The following TRPM6 variants were observed in gnomAD, a reference collection of about 807,000 sequenced individuals.
TRPM6 encodes the protein transient receptor potential cation channel subfamily M member 6.
TRPM6 carries 111 observed loss-of-function variants against 247.6 expected under a neutral mutation model. The observed-to-expected ratio is 0.45, with a 90% CI of 0.38 to 0.52. The LOEUF is 0.52. Among genes scored for constraint, TRPM6 ranks in the 20% least tolerant of loss-of-function variants. TRPM6 has a pLI of 0.00. For synonymous variants in TRPM6, 892 were observed against 853.8 expected, an observed-to-expected ratio of 1.04 and a Z score of -0.78; for missense variants, 2,126 against 2,421.5, an observed-to-expected ratio of 0.88 and a Z score of 2.56.
chr9:74,879,613 C>A (rs974861154), intron 1 of TRPM6, among the ~76,000 whole-genome samples: 35 of 152,020 alleles, frequency 2.3e-4, no homozygotes, highest in African/African-American at 7.7e-4. Flanking sequence ...CCACCCTATA[C>A]CCTGGGAGAA....
chr9:74,846,931 C>A (rs1435478159), intron 3 of TRPM6, among the ~76,000 whole-genome samples: 1 of 152,140 alleles, frequency 6.6e-6, no homozygotes, highest in Non-Finnish European at 1.5e-5. Flanking sequence ...TTTGTTTACA[C>A]GTTCCAAAAA....
rs368251330 is a variant in TRPM6, at chr9:74,739,351, G to C, written c.5570+16C>G. On this transcript the variant is annotated intron_variant, in intron 35 of 38. Transcript: ENST00000360774. Reference sequence around the variant, plus strand: ...CCTACTTGAAACAAAGGGCCAAGGTGCCAAGATTTTCTTACCTTGGTGTGT... The same window carrying C: ...CCTACTTGAAACAAAGGGCCAAGGTCCCAAGATTTTCTTACCTTGGTGTGT... 3.3e-5 allele frequency: 53 copies of C among 1,610,588 alleles called. No homozygotes were observed. Among genetic ancestry groups the C allele is most frequent in the Non-Finnish European group, 4.5e-5 (53 of 1,176,954 alleles).
intron 6 of TRPM6, among the ~76,000 whole-genome samples, chr9:74,830,489 G>A (rs564664216): frequency 3.6e-4 from 54 of 152,060 alleles, no homozygotes; most frequent in Admixed American, 2.8e-3. Context: ...TCTGCCTCCC[G>A]GGCTCGAGCG....
intron 25 of TRPM6, among the ~76,000 whole-genome samples, chr9:74,768,454 C>G (rs904737786): frequency 1.1e-4 from 17 of 152,200 alleles, no homozygotes; most frequent in African/African-American, 4.1e-4. Context: ...ACATCCAAAG[C>G]CTCCTGAACA....
intron 14 of TRPM6, among the ~76,000 whole-genome samples, chr9:74,805,161 A>C (rs7857689): frequency 2.4e-3 from 369 of 152,280 alleles, no homozygotes; most frequent in African/African-American, 8.6e-3. Flanking sequence ...TAGAGGCAAA[A>C]CCATAAACAG....
intron 3 of TRPM6, among the ~76,000 whole-genome samples, chr9:74,847,515 G>A (rs1399024172): frequency 6.6e-6 from 1 of 152,092 alleles, no homozygotes; most frequent in African/African-American, 2.4e-5. Flanking sequence ...AGGCTGCTCT[G>A]ATGGTAGTAG....
intron 33 of TRPM6, among the ~76,000 whole-genome samples, chr9:74,741,618 G>A (rs1027499943): frequency 2.6e-5 from 4 of 152,020 alleles, no homozygotes; most frequent in Non-Finnish European, 5.9e-5. Flanking sequence ...AAGCCAGGCC[G>A]GTGCGGTGAT....
At chr9:74,820,956 C>T (rs1829112881) in intron 8 of TRPM6, among the ~76,000 whole-genome samples, 1 of 152,046 alleles carries the variant, frequency 6.6e-6, no homozygotes, top group African/African-American at 2.4e-5. Context: ...GGAGTGAAAG[C>T]AGAGGGAGAT....
At chr9:74,778,023 G>T (rs1827286270) in intron 23 of TRPM6, among the ~76,000 whole-genome samples, 2 of 152,230 alleles carry the variant, frequency 1.3e-5, no homozygotes, top group Admixed American at 1.3e-4. Context: ...ATGCCGCTCA[G>T]CATGTTCTGA....
chr9:74,841,844 A>T (rs942487815), intron 4 of TRPM6, among the ~76,000 whole-genome samples: 2 of 152,176 alleles, frequency 1.3e-5, no homozygotes, highest in African/African-American at 4.8e-5. Flanking sequence ...CCAAAATTAA[A>T]ATATTAAAAT....
chr9:74,883,672 T>C (rs911474914), intron 1 of TRPM6, among the ~76,000 whole-genome samples: 8 of 152,064 alleles, frequency 5.3e-5, no homozygotes, highest in African/African-American at 1.9e-4. Context: ...GTGAAACAAG[T>C]TACAGATCAA....
chr9:74,772,707 C>T (rs1827089191), intron 24 of TRPM6, among the ~76,000 whole-genome samples: 1 of 152,118 alleles, frequency 6.6e-6, no homozygotes, highest in South Asian at 2.1e-4. Context: ...TTAATTTTAA[C>T]TGTAGTCAAC....
chr9:74,822,358 T>C (rs1829158919), intron 7 of TRPM6, among the ~76,000 whole-genome samples: 1 of 151,478 alleles, frequency 6.6e-6, no homozygotes, highest in East Asian at 1.9e-4. Flanking sequence ...CACGCAATCC[T>C]CCTGTCTCAG....
At position 74,750,704 on chromosome 9, in the gene TRPM6, AAG is replaced by A. The variant is rs1355157850; in HGVS notation, c.5015_5016del (p.Ser1672PhefsTer11). 6.2e-7 allele frequency: 1 copy of A among 1,613,886 alleles called. No homozygotes were observed. ...KQSQEDLSKN[S>X]LWNSRSTNLN... ...AGGTTGGTGCTCCTGGAATTCCACA[AAG>A]AGTTTTTGCTGAGATCCTGAGCAGA... On this transcript the variant is annotated frameshift_variant, in exon 30 of 39. Coordinates refer to ENST00000360774, the MANE Select transcript of TRPM6 (RefSeq NM_017662.5). LOFTEE classifies it high-confidence loss of function.
intron 3 of TRPM6, among the ~76,000 whole-genome samples, chr9:74,848,094 T>G (rs1830168636): frequency 6.6e-6 from 1 of 152,182 alleles, no homozygotes; most frequent in Non-Finnish European, 1.5e-5. Flanking sequence ...AAAACTGGCA[T>G]GAATTTCTTT....
At chr9:74,881,171 T>C (rs1029363227) in intron 1 of TRPM6, among the ~76,000 whole-genome samples, 5 of 151,926 alleles carry the variant, frequency 3.3e-5, no homozygotes, top group Non-Finnish European at 7.4e-5. Context: ...CCCAACTATA[T>C]GCTACCTGTA....
intron 25 of TRPM6, among the ~76,000 whole-genome samples, chr9:74,770,107 A>G (rs2118875853): frequency 6.6e-6 from 1 of 152,306 alleles, no homozygotes; most frequent in South Asian, 2.1e-4. Context: ...TTAATCTGAA[A>G]TTCAATCAGG....
Position 74,771,798 on chromosome 9 carries a change from A to G in TRPM6, c.3441T>C (p.His1147=). Residue 1147 remains histidine, a synonymous_variant, in exon 25 of 39, where the codon CAT becomes CAC. Coordinates refer to ENST00000360774, the MANE Select transcript of TRPM6 (RefSeq NM_017662.5). ...YLSKEDLKKL[H]DFEEQCVEKY... ...TTTCCACGCACTGCTCCTCAAAATCATGAAGTTTTTTCAGATCCTCCTTAC... is the reference window on the plus strand; with the variant it reads ...TTTCCACGCACTGCTCCTCAAAATCGTGAAGTTTTTTCAGATCCTCCTTAC... 6.2e-7 allele frequency: 1 copy of G among 1,613,864 alleles called. No individual in the cohort carries two copies. The highest frequency in any genetic ancestry group is 8.5e-7 in the Non-Finnish European group (1 of 1,179,840).
At chr9:74,827,983 C>T (rs757752112) in intron 6 of TRPM6, 34 bp from the exon 7 acceptor site, 1 of 1,606,092 alleles carries the variant, frequency 6.2e-7, no homozygotes, top group Non-Finnish European at 8.5e-7. Context: ...AGGGTCAGAG[C>T]TCTAGATCCT....
Sources: allele counts gnomAD v4.1 joint callset (sites outside exome capture counted in the v4.1 genomes callset), GRCh38; gene constraint gnomAD v4.1.1; transcripts MANE v1.5; gene names NCBI Gene and HGNC (gene_info 2026-07-23, HGNC 2026-07-21).